Variants in COL22A1 observed in about 807,000 individuals in gnomAD.
COL22A1 encodes the protein collagen type XXII alpha 1 chain.
Under a neutral mutation model 248.9 loss-of-function variants are expected in COL22A1, and 221 were observed. The observed-to-expected ratio is 0.89, with a 90% confidence interval of 0.80 to 0.99. The LOEUF is 0.99. COL22A1 is among the 50% of genes least tolerant of loss of function. The pLI is 0.00. For synonymous variants in COL22A1, 891 were observed against 793.4 expected (o/e 1.12, Z -2.07); for missense variants, 2,240 against 2,179.0 (o/e 1.03, Z -0.56).
chr8:138,673,399 AG>A (rs906091067), intron 41 of COL22A1, among the ~76,000 whole-genome samples: 1 of 151,936 alleles, frequency 6.6e-6, no homozygotes, highest in African/African-American at 2.4e-5. Context: ...TAGTAGAGAC[AG>A]GGTTTCACCA....
At chr8:138,857,443 G>A (rs566517827) in intron 3 of COL22A1, among the ~76,000 whole-genome samples, 66 of 152,278 alleles carry the variant, frequency 4.3e-4, no homozygotes, top group Admixed American at 2.9e-3. Flanking sequence ...CCTGGCCCCC[G>A]AGGCCGATCC....
intron 12 of COL22A1, among the ~76,000 whole-genome samples, chr8:138,787,882 G>T (rs1272729174): frequency 1.3e-5 from 2 of 152,196 alleles, no homozygotes; most frequent in Non-Finnish European, 2.9e-5. Flanking sequence ...CCACTTGTCA[G>T]CATCCAGAGC....
intron 1 of COL22A1, among the ~76,000 whole-genome samples, chr8:138,907,495 C>G (rs555909317): frequency 2.6e-5 from 4 of 152,342 alleles, no homozygotes; most frequent in African/African-American, 9.6e-5. Context: ...AATGGCTGAT[C>G]AAATTTGTTG....
rs1824155871 is a variant in COL22A1 at position 138,663,317 on chromosome 8, T to C, written c.3186+388A>G. Among the ~76,000 whole-genome samples the C allele has an allele frequency of 2.6e-5, 4 of 152,312 alleles. No individual in the cohort carries two copies. In the South Asian group the frequency reaches 6.2e-4, roughly 24 times the overall value. On this transcript the variant is annotated intron_variant, in intron 42 of 64. Transcript: ENST00000303045. The stretch of plus-strand genomic sequence containing the variant: ...TGGCTCCCGGGTCTTGCTCTGCCTA[T>C]GTTACAGATTAAGAGCAATCCCCAT...
chr8:138,735,864 T>C (rs1831066478), intron 23 of COL22A1, among the ~76,000 whole-genome samples: 1 of 152,166 alleles, frequency 6.6e-6, no homozygotes, highest in South Asian at 2.1e-4. Context: ...AGCAGTGTTT[T>C]CGGGATGAGT....
chr8:138,659,211 A>C (rs1823567322), intron 44 of COL22A1, among the ~76,000 whole-genome samples: 1 of 152,130 alleles, frequency 6.6e-6, no homozygotes. Context: ...AACTTCCAAC[A>C]AGACTTTATG....
chr8:138,787,200 C>T (rs934988652), intron 12 of COL22A1, among the ~76,000 whole-genome samples: 3 of 151,576 alleles, frequency 2.0e-5, no homozygotes, highest in Non-Finnish European at 4.4e-5. Flanking sequence ...AGATTGATAA[C>T]GTCAGGCATA....
Position 138,675,297 on chromosome 8 carries a change from G to A in COL22A1, c.3150+1261C>T, listed in dbSNP as rs1825423380. 3.9e-5 allele frequency among the ~76,000 whole-genome samples: 6 copies of A among 152,090 alleles called. No individual in the cohort carries two copies. In the South Asian group the frequency reaches 1.2e-3, roughly 32 times the overall value. On this transcript the variant is annotated intron_variant, in intron 41 of 64. Transcript: ENST00000303045. ...GAACCACAGAAGAAAAGGAAAGGGG[G>A]ATTTTCTTTCACAAGTAATATTTTG...
intron 49 of COL22A1, among the ~76,000 whole-genome samples, chr8:138,631,406 C>A (rs1820711076): frequency 6.6e-6 from 1 of 152,264 alleles, no homozygotes; most frequent in South Asian, 2.1e-4. Context: ...CAGGCAGTCA[C>A]CCCTTTGAAA....
At chr8:138,816,101 C>T (rs2131724117) in intron 7 of COL22A1, among the ~76,000 whole-genome samples, 1 of 152,328 alleles carries the variant, frequency 6.6e-6, no homozygotes, top group South Asian at 2.1e-4. Context: ...GACAGCCCTG[C>T]TTTCTTCATT....
chr8:138,712,147 A>G (rs2131060983), intron 30 of COL22A1, among the ~76,000 whole-genome samples: 1 of 152,286 alleles, frequency 6.6e-6, no homozygotes, highest in South Asian at 2.1e-4. Flanking sequence ...ATGCTCTTTA[A>G]CAACTCTGAG....
intron 42 of COL22A1, 79 bp from the exon 43 acceptor site, chr8:138,662,162 G>C: frequency 1.6e-6 from 2 of 1,224,350 alleles, no homozygotes; most frequent in South Asian, 2.6e-5. Context: ...GCAATAGTTG[G>C]CTCTCCTTCA....
chr8:138,877,961 G>A lies in COL22A1; in HGVS notation c.447C>T (p.Leu149=). The A allele has an allele frequency of 1.3e-6, 2 of 1,593,408 alleles. No individual in the cohort carries two copies. Among genetic ancestry groups the A allele is most frequent in the Non-Finnish European group, 1.7e-6 (2 of 1,169,768 alleles). ...CCAGGTCCTGGCTGCGGCCGTCGGT[G>A]AGCAGGATGGCCACCTGCTTGTAGG... ...DRAYKQVAIL[L]TDGRSQDLVL... is the part of the protein sequence containing the mutation. Residue 149 remains leucine (L), a synonymous_variant, in exon 3 of 65, where the codon CTC becomes CTT. Transcript: ENST00000303045.
At chr8:138,737,036 G>A (rs1392302163) in intron 23 of COL22A1, among the ~76,000 whole-genome samples, 1 of 152,090 alleles carries the variant, frequency 6.6e-6, no homozygotes, top group Admixed American at 6.5e-5. Flanking sequence ...GCTGCTCCAT[G>A]CCCTGTGCTC....
intron 12 of COL22A1, among the ~76,000 whole-genome samples, chr8:138,786,203 G>A (rs532882424): frequency 1.3e-5 from 2 of 152,318 alleles, no homozygotes; most frequent in Admixed American, 6.5e-5. Flanking sequence ...GGTAGTAGAA[G>A]AAAGTCCCTT....
At chr8:138,780,083 T>C (rs547204652) in intron 13 of COL22A1, among the ~76,000 whole-genome samples, 30 of 152,290 alleles carry the variant, frequency 2.0e-4, no homozygotes, top group South Asian at 1.7e-3. Context: ...GCTCCACTCC[T>C]ACTCACTTCT....
intron 31 of COL22A1, among the ~76,000 whole-genome samples, chr8:138,702,999 G>A (rs79101001): frequency 0.043 from 6,583 of 152,296 alleles, 187 homozygotes; most frequent in East Asian, 0.12. Flanking sequence ...GCAGTCTTAC[G>A]CTGGGCAAAC....
intron 7 of COL22A1, among the ~76,000 whole-genome samples, chr8:138,813,302 T>A (rs1243950481): frequency 1.5e-5 from 1 of 65,354 alleles, no homozygotes; most frequent in African/African-American, 4.8e-5. Flanking sequence ...AGGGACCCGG[T>A]GGGAGATAAC....
chr8:138,637,697 C>T (rs912644162), intron 47 of COL22A1, among the ~76,000 whole-genome samples: 8 of 152,160 alleles, frequency 5.3e-5, no homozygotes, highest in African/African-American at 1.7e-4. Context: ...GTATCTTTGT[C>T]ATGGGGTTAC....
Sources: allele counts gnomAD v4.1 joint callset (sites outside exome capture counted in the v4.1 genomes callset), GRCh38; gene constraint gnomAD v4.1.1; transcripts MANE v1.5; gene names NCBI Gene and HGNC (gene_info 2026-07-23, HGNC 2026-07-21).